Variants in USP20 observed in about 807,000 individuals in gnomAD.
USP20 encodes the protein ubiquitin specific peptidase 20, also known as ubiquitin carboxyl-terminal hydrolase 20.
USP20 carries 80 observed loss-of-function variants against 124.2 expected under a neutral mutation model. The observed-to-expected ratio is 0.64, with a 90% confidence interval of 0.54 to 0.78. USP20 has a LOEUF of 0.78. Among genes scored for constraint, USP20 ranks in the 30% least tolerant of loss-of-function variants. The pLI, the probability that USP20 is intolerant of heterozygous loss-of-function variation, is 0.00. For missense variants in USP20, 1,043 were observed against 1,244.4 expected (o/e 0.84, Z 2.44); for synonymous variants, 481 against 512.3 (o/e 0.94, Z 0.83).
At chr9:129,850,349 C>T (rs933789095) in intron 2 of USP20, among the ~76,000 whole-genome samples, 5 of 152,138 alleles carry the variant, frequency 3.3e-5, no homozygotes, top group South Asian at 2.1e-4. Flanking sequence ...TCAGCTCTAG[C>T]GCCAACATTC....
chr9:129,869,380 T>C lies in USP20; in HGVS notation c.1347T>C (p.Phe449=). The change falls in exon 13 of 26, where the codon TTT becomes TTC. Residue 449 remains phenylalanine, a synonymous_variant. Transcript: ENST00000372429. ...QRYRSVISDI[F]DGSILSLVQC... is the part of the protein sequence containing the mutation. ...ACCGCAGCGTCATCTCAGACATCTT[T>C]GACGGCTCCATTCTCAGCCTTGTGC... 1.2e-6 allele frequency: 2 copies of C among 1,613,726 alleles called. No individual in the cohort carries two copies. Among genetic ancestry groups the C allele is most frequent in the Non-Finnish European group, 1.7e-6 (2 of 1,179,978 alleles).
chr9:129,839,673 G>A lies in USP20; in HGVS notation c.-129+4174G>A, dbSNP rs2032082244. ...ATGTGGTTGGGGTCAGCGTGGGCAGGGCTGTGGGCATCGTTGTGTGGGTGG... is the reference window on the plus strand; with the variant it reads ...ATGTGGTTGGGGTCAGCGTGGGCAGAGCTGTGGGCATCGTTGTGTGGGTGG... On this transcript the variant is annotated intron_variant, in intron 1 of 25. Transcript: ENST00000372429. The surrounding 1 kb of genome is among the most constrained non-coding windows in gnomAD (Gnocchi z 4.5). Among the ~76,000 whole-genome samples, 3 of 152,090 alleles carry A rather than the reference G, an allele frequency of 2.0e-5. 1 individual carries two copies. The highest frequency in any genetic ancestry group is 2.0e-4 in the Admixed American group (3 of 15,276).
At chr9:129,865,608 G>GGGGCCGAGCCACTTGCAC (rs1287947017) in intron 10 of USP20, among the ~76,000 whole-genome samples, 1 of 152,240 alleles carries the variant, frequency 6.6e-6, no homozygotes, top group African/African-American at 2.4e-5. Flanking sequence ...CTGAGGTTCA[G>GGGGCCGAGCCACTTGCAC]GGGCCGAGCC....
chr9:129,865,347 T>G lies in USP20; in HGVS notation c.656T>G (p.Leu219Trp). The G allele has an allele frequency of 6.2e-7, 1 of 1,614,234 alleles. No individual in the cohort carries two copies. The highest frequency in any genetic ancestry group is 8.5e-7 in the Non-Finnish European group (1 of 1,180,030). ...VPTSLSHGIK[L>W]VNPMFRGYAQ... is the part of the protein sequence containing the mutation. ...ACCAGTCTGTCTCATGGGATCAAGT[T>G]GGTCAACCCAATGTTCCGAGGCTAT... Residue 219 changes from leucine to tryptophan, a missense_variant, in exon 10 of 26, where the codon TTG (leucine) becomes TGG (tryptophan). Coordinates refer to ENST00000372429, the MANE Select transcript of USP20 (RefSeq NM_001110303.4).
rs187223378 is a variant in USP20 at position 129,858,876 on chromosome 9, G to C, written c.330+278G>C. Among the ~76,000 whole-genome samples the C allele has an allele frequency of 6.9e-3, 1,048 of 152,124 alleles. 13 individuals are homozygous for C. Among genetic ancestry groups the C allele is most frequent in the African/African-American group, 0.024 (988 of 41,540 alleles). On this transcript the variant is annotated intron_variant, in intron 6 of 25. Coordinates refer to ENST00000372429, the MANE Select transcript of USP20 (RefSeq NM_001110303.4). Reference sequence around the variant, plus strand: ...AGACCATGGGGTGGCCGTGTGGAGTGCAGGGGTTGGGGTGGGCCCAGGGCC... The same window carrying C: ...AGACCATGGGGTGGCCGTGTGGAGTCCAGGGGTTGGGGTGGGCCCAGGGCC...
At chr9:129,849,092 C>T (rs2032753905) in intron 1 of USP20, among the ~76,000 whole-genome samples, 1 of 152,098 alleles carries the variant, frequency 6.6e-6, no homozygotes, top group South Asian at 2.1e-4. Flanking sequence ...GCCTGAGGGG[C>T]CTGGTGGCAT....
intron 1 of USP20, among the ~76,000 whole-genome samples, chr9:129,838,307 GC>G (rs1317270779): frequency 1.3e-5 from 2 of 152,124 alleles, no homozygotes; most frequent in African/African-American, 4.8e-5. Flanking sequence ...CTCCCAAAGT[GC>G]TGGGATTACA....
intron 4 of USP20, 90 bp downstream of exon 4, chr9:129,856,450 G>T: frequency 1.4e-6 from 2 of 1,475,226 alleles, no homozygotes; most frequent in Non-Finnish European, 1.9e-6. Context: ...TAGACTCTGG[G>T]CTGGGAACTT....
intron 17 of USP20, among the ~76,000 whole-genome samples, chr9:129,874,203 T>G (rs2034272265): frequency 6.6e-6 from 1 of 152,122 alleles, no homozygotes; most frequent in South Asian, 2.1e-4. Flanking sequence ...AAAACCCCAG[T>G]GCAGGAGCAG....
chr9:129,861,978 G>A lies in USP20; in HGVS notation c.497+366G>A, dbSNP rs185911109. ...AAGGGGTTCAGAATCTGGTGAGTGG[G>A]GGAAAAAGGAGGTTATAAAGCATTG... On this transcript the variant is annotated intron_variant, in intron 8 of 25. Transcript: ENST00000372429. 2.8e-4 allele frequency among the ~76,000 whole-genome samples: 42 copies of A among 152,228 alleles called. No individual in the cohort carries two copies. The East Asian group carries it at 7.3e-3, about 27-fold the overall frequency.
intron 19 of USP20, 74 bp from the exon 20 acceptor site, chr9:129,875,236 G>T (rs960504795): frequency 5.5e-6 from 8 of 1,465,586 alleles, no homozygotes; most frequent in Non-Finnish European, 7.3e-6. Flanking sequence ...GAGGTGCACT[G>T]GGATGGGGGC....
intron 24 of USP20, 88 bp from the exon 25 acceptor site, chr9:129,880,025 C>T (rs2034572684): frequency 1.3e-6 from 2 of 1,510,230 alleles, no homozygotes; most frequent in Admixed American, 4.1e-5. Flanking sequence ...CGCTTCGGGG[C>T]CTGGCCCTGC....
chr9:129,870,685 C>A, intron 15 of USP20, 138 bp downstream of exon 15: 1 of 964,684 alleles, frequency 1.0e-6, no homozygotes, highest in Non-Finnish European at 1.5e-6. Flanking sequence ...AGGTTGATCC[C>A]ATCAGATACC....
At chr9:129,851,928 A>G (rs912706392) in intron 2 of USP20, among the ~76,000 whole-genome samples, 2 of 152,008 alleles carry the variant, frequency 1.3e-5, no homozygotes, top group African/African-American at 4.8e-5. Flanking sequence ...CCCTGCTCTC[A>G]GAAGACGTTC....
At chr9:129,863,127 C>A in intron 8 of USP20, 59 bp from the exon 9 acceptor site, 3 of 1,390,962 alleles carry the variant, frequency 2.2e-6, no homozygotes, top group South Asian at 1.4e-5. Context: ...GCAGCCCTTT[C>A]TAAACTGCCG....
chr9:129,869,447 G>T (rs752536208), intron 13 of USP20, 22 bp downstream of exon 13: 16 of 1,608,020 alleles, frequency 1.0e-5, no homozygotes, highest in African/African-American at 1.3e-5. Flanking sequence ...AGGGATGGGG[G>T]GAGCTGGGCC....
At chr9:129,869,509 T>C (rs2034009458) in intron 13 of USP20, 84 bp downstream of exon 13, 6 of 1,530,816 alleles carry the variant, frequency 3.9e-6, no homozygotes, top group South Asian at 2.3e-5. Context: ...CAGGGTGGGC[T>C]CTCCACGGGT....
Position 129,839,030 on chromosome 9 carries a change from C to T in USP20, c.-129+3531C>T, listed in dbSNP as rs553487387. Among the ~76,000 whole-genome samples, 120 of 152,180 alleles carry T rather than the reference C, an allele frequency of 7.9e-4. 1 individual carries two copies. Among genetic ancestry groups the T allele is most frequent in the Non-Finnish European group, 3.1e-4 (21 of 67,992 alleles). On this transcript the variant is annotated intron_variant, in intron 1 of 25. Coordinates refer to ENST00000372429, the MANE Select transcript of USP20 (RefSeq NM_001110303.4). The surrounding 1 kb of genome is among the most constrained non-coding windows in gnomAD (Gnocchi z 4.5). ...CTTGTGAGGAAGCTTCCTTGGAGTA[C>T]GCGTGTTTGGATTTGGGGAGGTGAA... is the stretch of plus-strand genomic sequence containing the variant.
intron 3 of USP20, among the ~76,000 whole-genome samples, chr9:129,854,060 T>A (rs4275312): frequency 7.9e-4 from 120 of 152,212 alleles, no homozygotes; most frequent in Non-Finnish European, 1.4e-3. Flanking sequence ...AGAAACTTTC[T>A]GAAAAAGATG....
Sources: allele counts gnomAD v4.1 joint callset (sites outside exome capture counted in the v4.1 genomes callset), GRCh38; gene constraint gnomAD v4.1.1; non-coding constraint Gnocchi (gnomAD v3.1); transcripts MANE v1.5; gene names NCBI Gene and HGNC (gene_info 2026-07-23, HGNC 2026-07-21).